Variants in PXDNL observed in about 807,000 individuals in gnomAD.
PXDNL encodes the protein probable oxidoreductase PXDNL.
Under a neutral mutation model 150.8 loss-of-function variants are expected in PXDNL, and 145 were observed. The observed-to-expected ratio is 0.96, with a 90% CI of 0.84 to 1.10. The LOEUF is 1.10. Among genes scored for constraint, PXDNL ranks in the 50% least tolerant of loss-of-function variants. The probability of loss-of-function intolerance (pLI) is 0.00; values close to 1 mark genes in which losing one functional copy is unlikely to be tolerated. For synonymous variants in PXDNL, 757 were observed against 725.7 expected, an observed-to-expected ratio of 1.04 and a Z score of -0.69; for missense variants, 2,087 against 1,873.9, an observed-to-expected ratio of 1.11 and a Z score of -2.10.
At chr8:51,804,873 C>T (rs2037659098) in intron 1 of PXDNL, among the ~76,000 whole-genome samples, 1 of 152,022 alleles carries the variant, frequency 6.6e-6, no homozygotes, top group Non-Finnish European at 1.5e-5. Flanking sequence ...CTCCAGGGTA[C>T]ATTATACCCC....
At chr8:51,791,641 C>A (rs1183719323) in intron 1 of PXDNL, among the ~76,000 whole-genome samples, 5 of 152,200 alleles carry the variant, frequency 3.3e-5, no homozygotes, top group Non-Finnish European at 7.3e-5. Flanking sequence ...AACTTATCAA[C>A]CCTGCCGGTG....
intron 12 of PXDNL, among the ~76,000 whole-genome samples, chr8:51,442,040 A>C (rs990335817): frequency 6.6e-6 from 1 of 151,902 alleles, no homozygotes; most frequent in African/African-American, 2.4e-5. Context: ...TTTTTTCTGT[A>C]CCCTTATTGG....
intron 16 of PXDNL, among the ~76,000 whole-genome samples, chr8:51,410,453 T>C (rs1292792241): frequency 6.6e-6 from 1 of 152,214 alleles, no homozygotes; most frequent in African/African-American, 2.4e-5. Flanking sequence ...TCAGGAAGCT[T>C]TGAAAACCCA....
chr8:51,637,120 C>T (rs1289274930), intron 2 of PXDNL, among the ~76,000 whole-genome samples: 3 of 152,190 alleles, frequency 2.0e-5, no homozygotes, highest in Admixed American at 6.5e-5. Context: ...AACAGACCTG[C>T]AGCTGAGGGT....
intron 4 of PXDNL, among the ~76,000 whole-genome samples, chr8:51,553,162 C>T (rs1454045958): frequency 1.3e-5 from 2 of 152,226 alleles, no homozygotes; most frequent in African/African-American, 4.8e-5. Flanking sequence ...GGGGTTGGGC[C>T]CCCAAGGCCT....
At chr8:51,688,189 C>T (rs575224968) in intron 1 of PXDNL, among the ~76,000 whole-genome samples, 3 of 151,982 alleles carry the variant, frequency 2.0e-5, no homozygotes, top group Non-Finnish European at 4.4e-5. Flanking sequence ...ATCAGTATGA[C>T]CAGAGGCAAT....
rs60589394 is a variant in PXDNL at position 51,464,817 on chromosome 8, G to A, written c.813-7150C>T. Among the ~76,000 whole-genome samples, 950 of 152,250 alleles carry A rather than the reference G, an allele frequency of 6.2e-3. 11 individuals are homozygous for A. The highest frequency in any genetic ancestry group is 0.021 in the African/African-American group (886 of 41,544). The stretch of plus-strand genomic sequence containing the variant: ...ACCACCAAGGCACATGTATACTTAT[G>A]TAACAAACCTGCACGTTCTGCACAT... On this transcript the variant is annotated intron_variant, in intron 8 of 22. Transcript: ENST00000356297.
intron 1 of PXDNL, among the ~76,000 whole-genome samples, chr8:51,754,872 T>A (rs973410572): frequency 1.3e-5 from 2 of 152,072 alleles, no homozygotes; most frequent in Non-Finnish European, 2.9e-5. Flanking sequence ...AAGGCAATAT[T>A]TGTTCATTCA....
chr8:51,465,409 A>C (rs974030947), intron 8 of PXDNL, among the ~76,000 whole-genome samples: 2 of 152,164 alleles, frequency 1.3e-5, no homozygotes, highest in African/African-American at 4.8e-5. Context: ...ATACCTCAAA[A>C]TAATAAAAGC....
At chr8:51,399,261 C>A (rs143408829) in intron 17 of PXDNL, among the ~76,000 whole-genome samples, 29 of 152,078 alleles carry the variant, frequency 1.9e-4, no homozygotes, top group Admixed American at 1.9e-3. Flanking sequence ...GAATCATAGG[C>A]CCACAAAAAG....
Position 51,377,141 on chromosome 8 carries a change from CACAA to C in PXDNL, c.3558-2414_3558-2411del, listed in dbSNP as rs1203187304. Among the ~76,000 whole-genome samples the C allele has an allele frequency of 5.0e-3, 756 of 150,666 alleles. 6 individuals carry two copies. Among genetic ancestry groups the C allele is most frequent in the African/African-American group, 0.018 (724 of 40,368 alleles). ...ACACACACACACACACACACACACA[CACAA>C]AGCCAAAGCCATTTCTGGACACTCT... On this transcript the variant is annotated intron_variant, in intron 17 of 22. Transcript: ENST00000356297.
intron 4 of PXDNL, among the ~76,000 whole-genome samples, chr8:51,503,295 T>G (rs1188287797): frequency 6.6e-6 from 1 of 152,250 alleles, no homozygotes; most frequent in East Asian, 1.9e-4. Flanking sequence ...CTTTGTTCCT[T>G]GCAGGAAAGT....
At chr8:51,420,230 G>C (rs181411625) in intron 14 of PXDNL, among the ~76,000 whole-genome samples, 1 of 152,300 alleles carries the variant, frequency 6.6e-6, no homozygotes, top group East Asian at 1.9e-4. Context: ...GGGGCATCAA[G>C]ATTGGAAAAT....
At chr8:51,788,962 GAATT>G (rs59869515) in intron 1 of PXDNL, among the ~76,000 whole-genome samples, 30,300 of 151,868 alleles carry the variant, frequency 0.2, 4,733 homozygotes, top group African/African-American at 0.43. Context: ...TGTGGATACA[GAATT>G]AATATTCCTG....
At chr8:51,525,436 G>A (rs909951732) in intron 4 of PXDNL, among the ~76,000 whole-genome samples, 2 of 152,096 alleles carry the variant, frequency 1.3e-5, no homozygotes, top group Non-Finnish European at 2.9e-5. Context: ...ACTGCCCCTC[G>A]GTCTGCTTCG....
At chr8:51,425,211 G>A (rs1748367936) in intron 13 of PXDNL, among the ~76,000 whole-genome samples, 1 of 152,186 alleles carries the variant, frequency 6.6e-6, no homozygotes, top group African/African-American at 2.4e-5. Flanking sequence ...ATCTGCTTAT[G>A]GTAGGGCGTT....
At chr8:51,322,461 G>T (rs77089592) in intron 21 of PXDNL, among the ~76,000 whole-genome samples, 1 of 152,076 alleles carries the variant, frequency 6.6e-6, no homozygotes, top group Admixed American at 6.5e-5. Flanking sequence ...GGGATGAGTG[G>T]GCAGCAAAGA....
chr8:51,386,852 T>C (rs1807732792), intron 17 of PXDNL, among the ~76,000 whole-genome samples: 1 of 152,186 alleles, frequency 6.6e-6, no homozygotes, highest in East Asian at 1.9e-4. Context: ...GAGTCTTTTC[T>C]ACATGTCAGC....
chr8:51,628,399 CTTTTTTTTTTTTT>C (rs71550276), intron 2 of PXDNL, among the ~76,000 whole-genome samples: 1,241 of 69,880 alleles, frequency 0.018, 36 homozygotes, highest in African/African-American at 0.067. Context: ...CTTTTCTTTT[CTTTTTTTTTTTTT>C]TTTTTTTTTT....
Sources: allele counts gnomAD v4.1 joint callset (sites outside exome capture counted in the v4.1 genomes callset), GRCh38; gene constraint gnomAD v4.1.1; transcripts MANE v1.5; gene names NCBI Gene and HGNC (gene_info 2026-07-23, HGNC 2026-07-21).